The following RYR1 variants were observed in gnomAD, a reference collection of about 807,000 sequenced individuals.
The protein encoded by RYR1 is central core disease of muscle.
In RYR1, 342 loss-of-function variants were observed where a neutral mutation model predicts 583.5. The observed-to-expected ratio is 0.59, with a 90% CI of 0.54 to 0.64. The LOEUF is 0.64. Ranked by LOEUF, RYR1 falls within the 30% of genes least tolerant of loss-of-function variation. The pLI is 0.00. For missense variants in RYR1, 6,032 were observed against 6,917.2 expected (o/e 0.87, Z 4.54); for synonymous variants, 2,791 against 2,822.5 (o/e 0.99, Z 0.35).
chr19:38,582,838 C>T (rs1367664429), intron 101 of RYR1, among the ~76,000 whole-genome samples: 3 of 152,084 alleles, frequency 2.0e-5, no homozygotes, highest in Non-Finnish European at 4.4e-5. Context: ...AGTCTGGCTC[C>T]GTGGGTTCCT....
intron 63 of RYR1, among the ~76,000 whole-genome samples, chr19:38,514,311 C>G (rs1442336638): frequency 1.4e-5 from 2 of 146,620 alleles, no homozygotes; most frequent in Non-Finnish European, 3.0e-5. Context: ...GACAGAGTCT[C>G]GGTCTGTCAC....
At position 38,489,448 on chromosome 19, in the gene RYR1, G is replaced by C; in HGVS notation, c.5814+5G>C. 1 of 1,613,910 alleles carries C rather than the reference G, an allele frequency of 6.2e-7. No homozygotes were observed. Among genetic ancestry groups the C allele is most frequent in the Non-Finnish European group, 8.5e-7 (1 of 1,179,856 alleles). ...CCAGAGTCTGTGAAGTTACAGGTGGGCTGCTGCTTCCTGCTTTTCGGCCTC... is the reference window on the plus strand; with the variant it reads ...CCAGAGTCTGTGAAGTTACAGGTGGCCTGCTGCTTCCTGCTTTTCGGCCTC... On this transcript the variant is annotated splice_donor_5th_base_variant and intron_variant, in intron 35 of 105. Coordinates refer to ENST00000359596, the MANE Select transcript of RYR1 (RefSeq NM_000540.3).
intron 20 of RYR1, 35 bp downstream of exon 20, chr19:38,460,626 C>T: frequency 6.3e-7 from 1 of 1,583,458 alleles, no homozygotes; most frequent in Non-Finnish European, 8.6e-7. Context: ...TCTGGCGAGG[C>T]AGGGTCTCTT....
intron 97 of RYR1, 78 bp downstream of exon 97, chr19:38,576,039 T>C: frequency 6.5e-7 from 1 of 1,540,024 alleles, no homozygotes; most frequent in Admixed American, 1.7e-5. Flanking sequence ...GCCAAGCACT[T>C]GCTTGGTGTG....
chr19:38,444,104 G>A lies in RYR1; in HGVS notation c.425-45G>A. ...AGAGCCCTGGGGAAGAGCATTCTGG[G>A]AAGCCATCATCTGACAGCCACCCCC... On this transcript the variant is annotated intron_variant, in intron 5 of 105. Transcript: ENST00000359596. This position sits in a 1 kb window ranked among gnomAD's most constrained non-coding sequence, Gnocchi z 5.1. 6.6e-7 allele frequency: 1 copy of A among 1,521,884 alleles called. No homozygotes were observed. Among genetic ancestry groups the A allele is most frequent in the Middle Eastern group, 1.7e-4 (1 of 5,922 alleles). 94.3% of individuals were successfully genotyped at this position (1,521,884 alleles called of 1,614,324 possible). A position where few individuals can be genotyped will look rare whatever the true frequency, so the allele number is the denominator to read the frequency against.
At chr19:38,539,823 A>G (rs1308749890) in intron 84 of RYR1, among the ~76,000 whole-genome samples, 1 of 152,200 alleles carries the variant, frequency 6.6e-6, no homozygotes, top group Non-Finnish European at 1.5e-5. Flanking sequence ...GCACATGTCT[A>G]TAACAGGTGT....
chr19:38,580,980 C>T (rs569583689), intron 101 of RYR1, among the ~76,000 whole-genome samples: 1 of 150,572 alleles, frequency 6.6e-6, no homozygotes, highest in African/African-American at 2.4e-5. Context: ...CTCACTGCAA[C>T]CTCCGCTTCC....
chr19:38,490,215 G>T lies in RYR1; in HGVS notation c.5954G>T (p.Ser1985Ile), dbSNP rs1441012614. The change falls in exon 36 of 106, where the codon AGC (serine) becomes ATC (isoleucine). Residue 1985 changes from serine to isoleucine, a missense_variant. Around this residue, in one of 11 missense-constraint regions of RYR1, gnomAD observed 2,627 missense variants for 2,961.3 expected, o/e 0.89. Coordinates refer to ENST00000359596, the MANE Select transcript of RYR1 (RefSeq NM_000540.3). Reference sequence around the variant, plus strand: ...TATGGCCTCCTCATAAAAGCCTTCAGCATGACCGCAGCAGAGACTGCAAGA... The same window carrying T: ...TATGGCCTCCTCATAAAAGCCTTCATCATGACCGCAGCAGAGACTGCAAGA... ...SRYGLLIKAF[S>I]MTAAETARRT... 6.2e-7 allele frequency: 1 copy of T among 1,614,092 alleles called. No homozygotes were observed. The highest frequency in any genetic ancestry group is 1.3e-5 in the African/African-American group (1 of 74,936).
rs763397720 is a variant in RYR1 at position 38,459,290 on chromosome 19, A to G, written c.2312A>G (p.Asn771Ser). ...GTGCAGGGTGTCTTTGAGTCCTTCA[A>G]CCTGGACGGGCTCTTCTTCCCTGTT... ...CPVQGVFESF[N>S]LDGLFFPVVS... The change falls in exon 19 of 106, where the codon AAC becomes AGC. Residue 771 changes from asparagine (N) to serine (S), a missense_variant. By Grantham distance (46) the Asn-to-Ser change is conservative. This residue lies in a region of RYR1 where 2,627 missense variants were observed against 2,961.3 expected (regional missense o/e 0.89). Transcript: ENST00000359596. The G allele has an allele frequency of 6.2e-7, 1 of 1,613,586 alleles. No homozygotes were observed. Among genetic ancestry groups the G allele is most frequent in the Non-Finnish European group, 8.5e-7 (1 of 1,179,830 alleles).
In RYR1 at chr19:38,456,274, AT is replaced by A. The variant is rs769713059; in HGVS notation, c.1791+542del. On this transcript the variant is annotated intron_variant, in intron 16 of 105. Transcript: ENST00000359596. Reference sequence around the variant, plus strand: ...CAGGCGTGAACCACCAGCGCCTGGCATTTTTTTTTTTTTTTTTTTGATACAG... The same window carrying A: ...CAGGCGTGAACCACCAGCGCCTGGCATTTTTTTTTTTTTTTTTTGATACAG... 7.5e-3 allele frequency among the ~76,000 whole-genome samples: 796 copies of A among 106,662 alleles called. 14 individuals are homozygous for A. The highest frequency in any genetic ancestry group is 0.024 in the African/African-American group (652 of 26,650). The allele number at this position is 106,662 out of a possible 152,430, so 70.0% of individuals were successfully genotyped here. A position where few individuals can be genotyped will look rare whatever the true frequency, so the allele number is the denominator to read the frequency against.
intron 22 of RYR1, 74 bp from the exon 23 acceptor site, chr19:38,464,565 C>T: frequency 4.5e-6 from 6 of 1,322,322 alleles, no homozygotes; most frequent in Non-Finnish European, 6.4e-6. Flanking sequence ...GCTGGAGACC[C>T]TGAGGCCGTG....
intron 66 of RYR1, among the ~76,000 whole-genome samples, chr19:38,518,186 GGGAAGGAAAGAA>G (rs1002542067): frequency 9.9e-5 from 15 of 151,604 alleles, no homozygotes; most frequent in African/African-American, 3.6e-4. Context: ...GGGAATAAAA[GGGAAGGAAAGAA>G]GGAAGGAAGG....
intron 66 of RYR1, among the ~76,000 whole-genome samples, chr19:38,518,542 G>T (rs1030348281): frequency 7.2e-5 from 11 of 152,152 alleles, no homozygotes; most frequent in African/African-American, 2.7e-4. Flanking sequence ...CACAACCTTG[G>T]GGTCATAGCC....
At chr19:38,567,974 T>C (rs1234064927) in intron 93 of RYR1, 57 bp downstream of exon 93, 4 of 1,585,636 alleles carry the variant, frequency 2.5e-6, no homozygotes, top group Non-Finnish European at 3.4e-6. Context: ...CCACCTCTGG[T>C]GCCCACCTCT....
chr19:38,445,901 T>G (rs957636752), intron 7 of RYR1, among the ~76,000 whole-genome samples: 2 of 152,012 alleles, frequency 1.3e-5, no homozygotes, highest in African/African-American at 4.8e-5. Flanking sequence ...GAGGCAGTAT[T>G]GCTTGAATCT....
intron 11 of RYR1, 89 bp downstream of exon 11, chr19:38,448,902 C>T: frequency 8.1e-7 from 1 of 1,230,614 alleles, no homozygotes; most frequent in African/African-American, 1.5e-5. Context: ...GGTGATCATG[C>T]CACTGTACTC....
chr19:38,586,966 A>G (rs1022507265), intron 105 of RYR1, among the ~76,000 whole-genome samples: 2 of 147,200 alleles, frequency 1.4e-5, no homozygotes, highest in African/African-American at 2.7e-5. Flanking sequence ...GCGATACTCC[A>G]TCTCAAAAAA....
chr19:38,526,876 C>T, intron 71 of RYR1, 117 bp from the exon 72 acceptor site: 1 of 1,090,758 alleles, frequency 9.2e-7, no homozygotes. Flanking sequence ...AGACCCCCAC[C>T]CCCACCCCAG....
At position 38,477,882 on chromosome 19, in the gene RYR1, G is replaced by A. The variant is rs1417363157; in HGVS notation, c.4454+12G>A. ...AACGTCCACAGCAGGTGCCGGGGCT[G>A]GGGGGAGGTGGGAGGTGCAGGGTGG... On this transcript the variant is annotated intron_variant, in intron 30 of 105. Transcript: ENST00000359596. 2.5e-6 allele frequency: 4 copies of A among 1,605,716 alleles called. No individual in the cohort carries two copies. The highest frequency in any genetic ancestry group is 2.7e-5 in the African/African-American group (2 of 74,782).
Sources: allele counts gnomAD v4.1 joint callset (sites outside exome capture counted in the v4.1 genomes callset), GRCh38; gene constraint gnomAD v4.1.1; regional missense constraint gnomAD v4.1.1; non-coding constraint Gnocchi (gnomAD v3.1); transcripts MANE v1.5; gene names NCBI Gene and HGNC (gene_info 2026-07-23, HGNC 2026-07-21).